The following COL21A1 variants were observed in gnomAD, a reference collection of about 807,000 sequenced individuals.
COL21A1 encodes the protein collagen type XXI alpha 1 chain.
COL21A1 carries 149 observed loss-of-function variants against 137.9 expected under a neutral mutation model. That is an observed-to-expected ratio of 1.08 (90% CI 0.95 to 1.24). COL21A1 has a LOEUF of 1.24. COL21A1 is among the 50% of genes most tolerant of loss of function. The probability of loss-of-function intolerance (pLI) is 0.00; values close to 1 mark genes in which losing one functional copy is unlikely to be tolerated. For missense variants in COL21A1, 1,167 were observed against 1,158.4 expected (o/e 1.01, Z -0.11); for synonymous variants, 456 against 391.5 (o/e 1.16, Z -1.95).
At chr6:56,190,784 C>CAT (rs1778618200) in intron 1 of COL21A1, among the ~76,000 whole-genome samples, 1 of 152,298 alleles carries the variant, frequency 6.6e-6, no homozygotes, top group African/African-American at 2.4e-5. Flanking sequence ...GCTGGTTCAA[C>CAT]ATACACAAAT....
intron 1 of COL21A1, among the ~76,000 whole-genome samples, chr6:56,351,371 G>C (rs896430587): frequency 6.6e-6 from 1 of 152,162 alleles, no homozygotes; most frequent in Non-Finnish European, 1.5e-5. Context: ...CCTTTCTCTT[G>C]TCTCTCCCAG....
intron 10 of COL21A1, among the ~76,000 whole-genome samples, chr6:56,145,824 C>T (rs1774791684): frequency 6.6e-6 from 1 of 151,784 alleles, no homozygotes; most frequent in Non-Finnish European, 1.5e-5. Context: ...AAGTCTTTTC[C>T]ATGTTCACAG....
chr6:56,066,304 G>A (rs1379971975), intron 23 of COL21A1, among the ~76,000 whole-genome samples: 1 of 151,930 alleles, frequency 6.6e-6, no homozygotes, highest in Non-Finnish European at 1.5e-5. Context: ...ATGTTATGAA[G>A]AATAAGTTCA....
intron 1 of COL21A1, among the ~76,000 whole-genome samples, chr6:56,271,066 G>A (rs78809414): frequency 0.013 from 2,055 of 152,292 alleles, 52 homozygotes; most frequent in African/African-American, 0.047. Context: ...AACAGGAAGA[G>A]GTTGGAACAG....
chr6:56,329,660 C>T (rs1765175283), intron 1 of COL21A1, among the ~76,000 whole-genome samples: 1 of 151,950 alleles, frequency 6.6e-6, no homozygotes, highest in African/African-American at 2.4e-5. Context: ...CCACAAACTC[C>T]GGTCACAGGT....
intron 1 of COL21A1, among the ~76,000 whole-genome samples, chr6:56,246,500 A>G (rs1010863091): frequency 6.6e-6 from 1 of 151,804 alleles, no homozygotes; most frequent in East Asian, 1.9e-4. Context: ...GCAAAACTCT[A>G]CTAATAAATA....
intron 1 of COL21A1, among the ~76,000 whole-genome samples, chr6:56,277,195 G>A (rs1168123034): frequency 3.3e-5 from 5 of 152,018 alleles, no homozygotes. Context: ...TGCACAATGT[G>A]CAGGTTTATT....
At chr6:56,315,898 A>G (rs956971222) in intron 1 of COL21A1, among the ~76,000 whole-genome samples, 1 of 152,228 alleles carries the variant, frequency 6.6e-6, no homozygotes. Context: ...GTGAAGTGAT[A>G]GATATGTTAA....
At chr6:56,117,121 C>G (rs532484352) in intron 16 of COL21A1, among the ~76,000 whole-genome samples, 1 of 151,896 alleles carries the variant, frequency 6.6e-6, no homozygotes, top group African/African-American at 2.4e-5. Context: ...TTAATGTAAA[C>G]AAACTGAACT....
chr6:56,283,119 T>C (rs1180096285), intron 1 of COL21A1, among the ~76,000 whole-genome samples: 1 of 152,120 alleles, frequency 6.6e-6, no homozygotes, highest in Non-Finnish European at 1.5e-5. Flanking sequence ...TAAAAAGACT[T>C]TCTGAAGTAA....
chr6:56,344,655 CAA>C (rs1765549744), intron 1 of COL21A1, among the ~76,000 whole-genome samples: 1 of 152,166 alleles, frequency 6.6e-6, no homozygotes, highest in Non-Finnish European at 1.5e-5. Flanking sequence ...AATCTTACGT[CAA>C]GTTATAATCA....
intron 16 of COL21A1, among the ~76,000 whole-genome samples, chr6:56,121,604 T>A (rs1772542523): frequency 6.7e-6 from 1 of 148,774 alleles, no homozygotes; most frequent in Non-Finnish European, 1.5e-5. Flanking sequence ...ATGTATATAT[T>A]TGTCAAGTGT....
intron 1 of COL21A1, among the ~76,000 whole-genome samples, chr6:56,342,237 T>C (rs754267299): frequency 3.2e-4 from 48 of 152,268 alleles, no homozygotes; most frequent in Non-Finnish European, 5.0e-4. Flanking sequence ...CAGCCAAACT[T>C]CTGGAAAACA....
At chr6:56,351,053 C>A (rs527436402) in intron 1 of COL21A1, among the ~76,000 whole-genome samples, 11 of 152,260 alleles carry the variant, frequency 7.2e-5, no homozygotes, top group African/African-American at 2.7e-4. Flanking sequence ...CTGTGCCCGG[C>A]CTTCTGCCAT....
intron 1 of COL21A1, among the ~76,000 whole-genome samples, chr6:56,187,473 T>C (rs1778375795): frequency 6.6e-6 from 1 of 152,202 alleles, no homozygotes; most frequent in African/African-American, 2.4e-5. Flanking sequence ...AGCATGGTAC[T>C]ATATTGACAT....
At chr6:56,263,391 G>A (rs942133842) in intron 1 of COL21A1, among the ~76,000 whole-genome samples, 2 of 152,172 alleles carry the variant, frequency 1.3e-5, no homozygotes, top group East Asian at 3.8e-4. Context: ...GCCATATTTG[G>A]AGACTGTGGT....
chr6:56,290,404 G>A (rs1227728923), intron 1 of COL21A1, among the ~76,000 whole-genome samples: 1 of 151,458 alleles, frequency 6.6e-6, no homozygotes, highest in East Asian at 1.9e-4. Context: ...ATTGCCAAGT[G>A]TCCCCTCAGG....
intron 1 of COL21A1, among the ~76,000 whole-genome samples, chr6:56,376,821 C>T (rs1426549933): frequency 2.4e-5 from 3 of 124,664 alleles, no homozygotes; most frequent in East Asian, 2.3e-4. Context: ...CTCCACCAAT[C>T]GACGCCCACC....
At chr6:56,138,079 T>C (rs2152232449) in intron 12 of COL21A1, among the ~76,000 whole-genome samples, 1 of 152,176 alleles carries the variant, frequency 6.6e-6, no homozygotes, top group South Asian at 2.1e-4. Flanking sequence ...TTGAAAGTAA[T>C]GTCAAAAATC....
Sources: gnomAD v4.1 joint callset for allele counts (sites outside exome capture counted in the v4.1 genomes callset) on GRCh38, gnomAD v4.1.1 for gene constraint, MANE v1.5 for transcripts, NCBI Gene and HGNC (gene_info 2026-07-23, HGNC 2026-07-21) for gene names.